Variants in SHISA6 observed in about 807,000 individuals in gnomAD.
SHISA6 encodes the protein protein shisa-6.
In SHISA6, 22 loss-of-function variants were observed where a neutral mutation model predicts 47.9. That is an observed-to-expected ratio of 0.46 (90% CI 0.33 to 0.66). The LOEUF (loss-of-function observed/expected upper bound fraction) is 0.66. Ranked by LOEUF, SHISA6 falls within the 30% of genes least tolerant of loss-of-function variation. SHISA6 has a pLI of 0.02. For synonymous variants in SHISA6, 388 were observed against 337.8 expected, an observed-to-expected ratio of 1.15 and a Z score of -1.63; for missense variants, 680 against 764.6, an observed-to-expected ratio of 0.89 and a Z score of 1.30.
intron 3 of SHISA6, among the ~76,000 whole-genome samples, chr17:11,495,657 A>T: frequency 6.6e-6 from 1 of 152,314 alleles, no homozygotes; most frequent in African/African-American, 2.4e-5. Flanking sequence ...ACATGAAAAC[A>T]GTCAGACTGC....
At chr17:11,391,648 T>C (rs1220684611) in intron 3 of SHISA6, among the ~76,000 whole-genome samples, 8 of 152,114 alleles carry the variant, frequency 5.3e-5, no homozygotes, top group Non-Finnish European at 1.0e-4. Flanking sequence ...GTTGAGTGGG[T>C]TTATGGATTT....
intron 3 of SHISA6, among the ~76,000 whole-genome samples, chr17:11,531,972 C>A (rs1018826453): frequency 3.3e-5 from 5 of 152,008 alleles, no homozygotes; most frequent in African/African-American, 1.2e-4. Context: ...TATTATTTGT[C>A]AAATACAAAT....
At chr17:11,551,457 T>G (rs563070928) in intron 3 of SHISA6, among the ~76,000 whole-genome samples, 1 of 152,134 alleles carries the variant, frequency 6.6e-6, no homozygotes, top group African/African-American at 2.4e-5. Flanking sequence ...CAGAGTCCTG[T>G]AAAGTGGAAG....
At chr17:11,253,689 A>C (rs530807068) in intron 1 of SHISA6, among the ~76,000 whole-genome samples, 2 of 152,190 alleles carry the variant, frequency 1.3e-5, no homozygotes, top group East Asian at 1.9e-4. Flanking sequence ...CTCCTTTGCA[A>C]TTCCCTCTGG....
At chr17:11,508,145 A>G (rs540436265) in intron 3 of SHISA6, among the ~76,000 whole-genome samples, 46 of 152,368 alleles carry the variant, frequency 3.0e-4, no homozygotes, top group African/African-American at 1.1e-3. Context: ...CTGGAAGTCA[A>G]GGTCTGATTC....
chr17:11,276,980 A>G (rs998039021), intron 2 of SHISA6, among the ~76,000 whole-genome samples: 2 of 152,200 alleles, frequency 1.3e-5, no homozygotes, highest in African/African-American at 4.8e-5. Flanking sequence ...AATGGATTGT[A>G]TGGAGGGTAC....
chr17:11,384,102 A>G (rs560896180), intron 3 of SHISA6, among the ~76,000 whole-genome samples: 3 of 152,326 alleles, frequency 2.0e-5, no homozygotes, highest in South Asian at 4.1e-4. Context: ...CCTTCATTTC[A>G]TAGGCAAAAA....
chr17:11,320,976 G>A (rs1910699126), intron 2 of SHISA6, among the ~76,000 whole-genome samples: 1 of 152,148 alleles, frequency 6.6e-6, no homozygotes, highest in Non-Finnish European at 1.5e-5. Flanking sequence ...TTTCATGTCT[G>A]TATTAAACTT....
chr17:11,271,008 C>T (rs1406696976), intron 2 of SHISA6, among the ~76,000 whole-genome samples: 1 of 152,154 alleles, frequency 6.6e-6, no homozygotes, highest in Non-Finnish European at 1.5e-5. Context: ...AATCATGTTG[C>T]AGCAGGGCCC....
At chr17:11,537,159 C>T (rs560263205) in intron 3 of SHISA6, among the ~76,000 whole-genome samples, 1 of 151,938 alleles carries the variant, frequency 6.6e-6, no homozygotes, top group Admixed American at 6.6e-5. Context: ...AGAGCAGGCT[C>T]ACTGGAGAGG....
intron 2 of SHISA6, among the ~76,000 whole-genome samples, chr17:11,350,179 TTTA>T (rs1386058881): frequency 5.2e-5 from 5 of 96,434 alleles, no homozygotes; most frequent in Non-Finnish European, 1.0e-4. Context: ...TATTTATTTA[TTTA>T]TTTTTTTTTT....
At chr17:11,548,988 A>G (rs2071906613) in intron 3 of SHISA6, among the ~76,000 whole-genome samples, 1 of 152,238 alleles carries the variant, frequency 6.6e-6, no homozygotes, top group African/African-American at 2.4e-5. Flanking sequence ...TGTATGTATA[A>G]GCATTTAGGT....
chr17:11,368,528 T>A (rs1912527636), intron 2 of SHISA6, among the ~76,000 whole-genome samples: 1 of 152,212 alleles, frequency 6.6e-6, no homozygotes, highest in South Asian at 2.1e-4. Context: ...TCAGTATACT[T>A]GAGTTTTGCT....
At chr17:11,384,436 G>T (rs1443853282) in intron 3 of SHISA6, among the ~76,000 whole-genome samples, 1 of 152,252 alleles carries the variant, frequency 6.6e-6, no homozygotes, top group Non-Finnish European at 1.5e-5. Context: ...AGCCCCTTCA[G>T]ATAGATTTTC....
rs570646075 is a variant in SHISA6 at position 11,453,234 on chromosome 17, TC to T, written c.895+73726del. The stretch of plus-strand genomic sequence containing the variant: ...ATGATCCATTGTGGATGCTAAAAGG[TC>T]ATTTTTCCAGGCTGACTCCAAGACA... On this transcript the variant is annotated intron_variant, in intron 3 of 5. Transcript: ENST00000441885. Among the ~76,000 whole-genome samples the T allele has an allele frequency of 5.9e-5, 9 of 152,220 alleles. No homozygotes were observed. In the East Asian group the frequency reaches 1.7e-3, roughly 29 times the overall value.
chr17:11,441,302 G>A (rs1024265889), intron 3 of SHISA6, among the ~76,000 whole-genome samples: 3 of 152,180 alleles, frequency 2.0e-5, no homozygotes, highest in Non-Finnish European at 2.9e-5. Flanking sequence ...AAAATATAAG[G>A]CTTTGGGGAT....
chr17:11,480,922 TA>T (rs1335119583), intron 3 of SHISA6, among the ~76,000 whole-genome samples: 3 of 151,952 alleles, frequency 2.0e-5, no homozygotes, highest in African/African-American at 7.2e-5. Flanking sequence ...GTGAGTATAT[TA>T]AAAAAATAGA....
chr17:11,502,270 G>A lies in SHISA6; in HGVS notation c.896-49626G>A, dbSNP rs1036324429. On this transcript the variant is annotated intron_variant, in intron 3 of 5. Coordinates refer to ENST00000441885, the MANE Select transcript of SHISA6 (RefSeq NM_207386.4). The stretch of plus-strand genomic sequence containing the variant: ...TAAAAATACAAAAAATTAGCCGGGC[G>A]TGGTAGCGGGCGCCTGTAGTCCCAG... 4.6e-5 allele frequency among the ~76,000 whole-genome samples: 7 copies of A among 151,528 alleles called. No homozygotes were observed. In the East Asian group the frequency reaches 9.8e-4, roughly 21 times the overall value.
At chr17:11,424,309 A>G (rs1184367515) in intron 3 of SHISA6, among the ~76,000 whole-genome samples, 2 of 152,228 alleles carry the variant, frequency 1.3e-5, no homozygotes, top group Non-Finnish European at 2.9e-5. Context: ...ATAGTGCCAG[A>G]TGATGCTGTG....
Sources: allele counts gnomAD v4.1 joint callset (sites outside exome capture counted in the v4.1 genomes callset), GRCh38; gene constraint gnomAD v4.1.1; transcripts MANE v1.5; gene names NCBI Gene and HGNC (gene_info 2026-07-23, HGNC 2026-07-21).